Variants in RELCH observed in about 807,000 individuals in gnomAD.
RELCH encodes RAB11 binding and LisH domain, coiled-coil and HEAT repeat containing.
A neutral mutation model predicts 150.3 loss-of-function variants in RELCH; 41 were observed. The observed-to-expected ratio is 0.27, with a 90% CI of 0.21 to 0.35. The LOEUF (loss-of-function observed/expected upper bound fraction) is 0.35, where lower values mean the gene tolerates loss of function less well. Among genes scored for constraint, RELCH ranks in the 10% least tolerant of loss-of-function variants. The probability of loss-of-function intolerance (pLI) is 1.00; values close to 1 mark genes in which losing one functional copy is unlikely to be tolerated. For missense variants in RELCH, 1,092 were observed against 1,467.8 expected, an observed-to-expected ratio of 0.74 and a Z score of 4.18; for synonymous variants, 478 against 531.8, an observed-to-expected ratio of 0.90 and a Z score of 1.39.
At chr18:62,293,084 T>C (rs978075212) in intron 27 of RELCH, among the ~76,000 whole-genome samples, 1 of 152,192 alleles carries the variant, frequency 6.6e-6, no homozygotes, top group Non-Finnish European at 1.5e-5. Context: ...GCCAAACTAA[T>C]TCATCTCCAC....
chr18:62,252,426 G>C (rs1199155080), intron 11 of RELCH, among the ~76,000 whole-genome samples: 1 of 152,046 alleles, frequency 6.6e-6, no homozygotes, highest in Non-Finnish European at 1.5e-5. Flanking sequence ...GGATGAGGTG[G>C]GAGGGCTGCT....
rs1046440571 is a variant in RELCH at position 62,305,088 on chromosome 18, T to C, written c.3531-326T>C. Reference sequence around the variant, plus strand: ...GCACTTTACAGTTGTGTTAATATAATCCTAATAACCCTAGGAGGCAAATAC... The same window carrying C: ...GCACTTTACAGTTGTGTTAATATAACCCTAATAACCCTAGGAGGCAAATAC... On this transcript the variant is annotated intron_variant, in intron 28 of 28. Transcript: ENST00000644646. This position sits in a 1 kb window ranked among gnomAD's most constrained non-coding sequence, Gnocchi z 4.0. 8.5e-5 allele frequency among the ~76,000 whole-genome samples: 13 copies of C among 152,340 alleles called. No individual in the cohort carries two copies. Among genetic ancestry groups the C allele is most frequent in the African/African-American group, 3.1e-4 (13 of 41,582 alleles).
At chr18:62,285,898 G>A (rs1432758027) in intron 25 of RELCH, 1 of 152,166 alleles carries the variant, frequency 6.6e-6, no homozygotes, top group African/African-American at 2.4e-5. Flanking sequence ...TAATACATAT[G>A]TGGTACCCCA....
intron 16 of RELCH, among the ~76,000 whole-genome samples, chr18:62,263,464 A>G (rs2043381030): frequency 6.6e-6 from 1 of 151,890 alleles, no homozygotes; most frequent in African/African-American, 2.4e-5. Context: ...ATGTTACTAT[A>G]CCTTCATTTA....
chr18:62,298,631 T>G lies in RELCH; in HGVS notation c.3460-159T>G, dbSNP rs141105408. ...TTTAAAGCTACTTCTGAACCTAGTC[T>G]AGCAATCTAATATGAATTCCTTTAA... On this transcript the variant is annotated intron_variant, in intron 27 of 28. Coordinates refer to ENST00000644646, the MANE Select transcript of RELCH (RefSeq NM_001346231.2). 3.3e-5 allele frequency among the ~76,000 whole-genome samples: 5 copies of G among 152,348 alleles called. No homozygotes were observed. The East Asian group carries it at 9.6e-4, about 29-fold the overall frequency.
At chr18:62,258,740 G>T in intron 15 of RELCH, 64 bp downstream of exon 15, 1 of 1,167,260 alleles carries the variant, frequency 8.6e-7, no homozygotes, top group Non-Finnish European at 1.2e-6. Context: ...AGCCATCTTG[G>T]AACAATGTTA....
At chr18:62,271,888 A>G (rs2043923945) in intron 20 of RELCH, among the ~76,000 whole-genome samples, 1 of 152,180 alleles carries the variant, frequency 6.6e-6, no homozygotes, top group African/African-American at 2.4e-5. Context: ...GTCAAAGATC[A>G]GATGGTTGTA....
In RELCH at chr18:62,187,621, T is replaced by C. The variant is rs1187293672; in HGVS notation, c.116T>C (p.Leu39Pro). 2 of 1,536,788 alleles carry C rather than the reference T, an allele frequency of 1.3e-6. No individual in the cohort carries two copies. The highest frequency in any genetic ancestry group is 2.8e-5 in the African/African-American group (2 of 72,428). Residue 39 changes from leucine (L) to proline (P), a missense_variant, in exon 1 of 29, where the codon CTT (leucine) becomes CCT (proline). By Grantham distance (98) the Leu-to-Pro change is moderately conservative. Transcript: ENST00000644646. ...VAATEERRAV[L>P]RLGAGSGLDP... ...GCAACAGAGGAACGGCGGGCAGTAC[T>C]TCGGCTGGGCGCCGGAAGTGGCCTA... is the stretch of plus-strand genomic sequence containing the variant.
chr18:62,282,946 C>T, intron 25 of RELCH, among the ~76,000 whole-genome samples: 1 of 152,182 alleles, frequency 6.6e-6, no homozygotes, highest in African/African-American at 2.4e-5. Context: ...GCGTGAACCA[C>T]CGCACCCGCC....
At chr18:62,227,833 G>A (rs983026606) in intron 7 of RELCH, 144 bp downstream of exon 7, 1 of 499,292 alleles carries the variant, frequency 2.0e-6, no homozygotes, top group African/African-American at 2.0e-5. Context: ...TTTTGTAATT[G>A]TTTAATGTAT....
intron 27 of RELCH, among the ~76,000 whole-genome samples, chr18:62,293,722 A>G (rs150878152): frequency 3.3e-5 from 5 of 152,226 alleles, no homozygotes; most frequent in African/African-American, 1.2e-4. Flanking sequence ...TAAAATAATA[A>G]TAATTAAACT....
At chr18:62,213,111 T>C (rs965485991) in intron 2 of RELCH, among the ~76,000 whole-genome samples, 4 of 152,122 alleles carry the variant, frequency 2.6e-5, no homozygotes, top group African/African-American at 9.7e-5. Context: ...AATTTTAGGA[T>C]GAATTTATCC....
chr18:62,271,355 T>G (rs28788515), intron 20 of RELCH, among the ~76,000 whole-genome samples: 1,784 of 152,318 alleles, frequency 0.012, 25 homozygotes, highest in East Asian at 0.051. Context: ...ATGATGAGCA[T>G]TTTTCATGTG....
intron 25 of RELCH, among the ~76,000 whole-genome samples, chr18:62,287,020 G>T (rs2044840528): frequency 6.6e-6 from 1 of 152,058 alleles, no homozygotes; most frequent in Admixed American, 6.6e-5. Context: ...TAATACAAGA[G>T]GTATGTTGTT....
Position 62,216,113 on chromosome 18 carries a change from G to GT in RELCH, c.616+4878dup, listed in dbSNP as rs995278888. On this transcript the variant is annotated intron_variant, in intron 2 of 28. Coordinates refer to ENST00000644646, the MANE Select transcript of RELCH (RefSeq NM_001346231.2). ...TACAATGTACCTCTTCAATTTTCTA[G>GT]TTTTTTTAAAGGTAACAAGAGATAT... Among the ~76,000 whole-genome samples the GT allele has an allele frequency of 2.6e-5, 4 of 151,896 alleles. No homozygotes were observed. The South Asian group carries it at 6.2e-4, about 24-fold the overall frequency.
rs2045853401 is a variant in RELCH at position 62,305,610 on chromosome 18, C to T, written c.*76C>T. Reference sequence around the variant, plus strand: ...GGTTCCTTGTACTTGAAGTACTTGCCTTTTTTGTTTCCTCAGTTTTATGTT... The same window carrying T: ...GGTTCCTTGTACTTGAAGTACTTGCTTTTTTTGTTTCCTCAGTTTTATGTT... On this transcript the variant is annotated 3_prime_UTR_variant, in exon 29 of 29. Transcript: ENST00000644646. This position sits in a 1 kb window ranked among gnomAD's most constrained non-coding sequence, Gnocchi z 4.0. 7.6e-6 allele frequency: 11 copies of T among 1,455,118 alleles called. No homozygotes were observed. In the South Asian group the frequency reaches 1.5e-4, roughly 20 times the overall value. 90.1% of individuals were successfully genotyped at this position (1,455,118 alleles called of 1,614,324 possible).
chr18:62,209,179 T>C (rs1252237478), intron 1 of RELCH, among the ~76,000 whole-genome samples: 2 of 152,230 alleles, frequency 1.3e-5, no homozygotes, highest in African/African-American at 4.8e-5. Context: ...ATTTTTCTGC[T>C]TACAACATTG....
chr18:62,298,707 A>T, intron 27 of RELCH, 83 bp from the exon 28 acceptor site: 1 of 690,318 alleles, frequency 1.4e-6, no homozygotes, highest in Admixed American at 3.0e-5. Context: ...GCTTATAGGA[A>T]TATTAAAAAT....
Position 62,308,863 on chromosome 18 carries a change from A to G in RELCH, c.*3329A>G, listed in dbSNP as rs2045943760. The G allele has an allele frequency of 6.6e-6, 1 of 152,232 alleles. No homozygotes were observed. Among genetic ancestry groups the G allele is most frequent in the Non-Finnish European group, 1.5e-5 (1 of 68,044 alleles). The allele number at this position is 152,232 out of a possible 1,614,324, so 9.4% of individuals were successfully genotyped here. On this transcript the variant is annotated 3_prime_UTR_variant, in exon 29 of 29. Transcript: ENST00000644646. Reference sequence around the variant, plus strand: ...CTACAAAATAAATTTAGCCTTTTGTATGAGTAGACATCTATTTCAAAGTTC... The same window carrying G: ...CTACAAAATAAATTTAGCCTTTTGTGTGAGTAGACATCTATTTCAAAGTTC...
Sources: allele counts gnomAD v4.1 joint callset (sites outside exome capture counted in the v4.1 genomes callset), GRCh38; gene constraint gnomAD v4.1.1; non-coding constraint Gnocchi (gnomAD v3.1); transcripts MANE v1.5; gene names NCBI Gene and HGNC (gene_info 2026-07-23, HGNC 2026-07-21).